The following RDX variants were observed in gnomAD, a reference collection of about 807,000 sequenced individuals.
The protein encoded by RDX is radixin, also known as deafness, autosomal recessive 24.
Under a neutral mutation model 83.7 loss-of-function variants are expected in RDX, and 32 were observed. That is an observed-to-expected ratio of 0.38 (90% CI 0.29 to 0.51). The LOEUF (loss-of-function observed/expected upper bound fraction) is 0.51, where lower values mean the gene tolerates loss of function less well. RDX is among the 20% of genes least tolerant of loss of function. The pLI is 0.87. For missense variants in RDX, 600 were observed against 689.9 expected (o/e 0.87, Z 1.46); for synonymous variants, 229 against 222.7 (o/e 1.03, Z -0.25).
chr11:110,218,474 T>C (rs1864135843), intron 14 of RDX, among the ~76,000 whole-genome samples: 2 of 152,222 alleles, frequency 1.3e-5, no homozygotes, highest in African/African-American at 4.8e-5. Flanking sequence ...TCCAAGGTCC[T>C]ATACTAAACC....
chr11:110,202,559 CAT>C (rs1440512516), intron 14 of RDX, among the ~76,000 whole-genome samples: 1 of 151,504 alleles, frequency 6.6e-6, no homozygotes, highest in African/African-American at 2.4e-5. Context: ...GCTGGGACCA[CAT>C]GTGTGCTTCA....
chr11:110,181,697 G>A (rs1034326870), intron 15 of RDX: 5 of 152,558 alleles, frequency 3.3e-5, no homozygotes, highest in African/African-American at 9.6e-5. Context: ...CAAGTACCAG[G>A]CTGTACAGTC....
chr11:110,285,761 T>G lies in RDX; in HGVS notation c.-64-6005A>C, dbSNP rs578070734. On this transcript the variant is annotated intron_variant, in intron 1 of 13. Transcript: ENST00000645495. The stretch of plus-strand genomic sequence containing the variant: ...AGACATTTCTAGTCTATAAATATAT[T>G]AGTATGTTTTTAATTGAAACTGGCA... Among the ~76,000 whole-genome samples, 6 of 149,288 alleles carry G rather than the reference T, an allele frequency of 4.0e-5. No individual in the cohort carries two copies. In the East Asian group the frequency reaches 1.2e-3, roughly 29 times the overall value.
At chr11:110,239,466 A>G (rs561126144) in intron 10 of RDX, among the ~76,000 whole-genome samples, 1 of 152,342 alleles carries the variant, frequency 6.6e-6, no homozygotes, top group South Asian at 2.1e-4. Flanking sequence ...AGAATATATA[A>G]AGAGCTCAAA....
intron 15 of RDX, among the ~76,000 whole-genome samples, chr11:110,189,021 G>A (rs780634506): frequency 2.4e-4 from 36 of 151,832 alleles, no homozygotes; most frequent in Non-Finnish European, 4.3e-4. Context: ...GAATGTCAAT[G>A]TTCTGAATGC....
intron 15 of RDX, among the ~76,000 whole-genome samples, chr11:110,186,430 G>GTT (rs61035507): frequency 6.6e-6 from 1 of 151,022 alleles, no homozygotes; most frequent in South Asian, 2.1e-4. Flanking sequence ...TTCATCACTC[G>GTT]TTTTTTTTTC....
chr11:110,232,533 T>G (rs1864680683), intron 13 of RDX, among the ~76,000 whole-genome samples: 1 of 145,414 alleles, frequency 6.9e-6, no homozygotes, highest in Admixed American at 6.9e-5. Flanking sequence ...ACTGACCTTT[T>G]GCCAATATAA....
At chr11:110,178,251 CTCT>C (rs1862816092) in intron 15 of RDX, among the ~76,000 whole-genome samples, 1 of 152,248 alleles carries the variant, frequency 6.6e-6, no homozygotes, top group Admixed American at 6.5e-5. Flanking sequence ...AGGGGGCCCT[CTCT>C]TCTAGTGCAG....
At chr11:110,208,736 C>T (rs1029165015) in intron 14 of RDX, among the ~76,000 whole-genome samples, 2 of 152,122 alleles carry the variant, frequency 1.3e-5, no homozygotes, top group Admixed American at 6.6e-5. Context: ...TCAGGCGGAT[C>T]ACTTGAGGCC....
chr11:110,209,325 CTCGGAGGGTCCTACGCCCACGG>C (rs1863730783), intron 14 of RDX, among the ~76,000 whole-genome samples: 1 of 152,082 alleles, frequency 6.6e-6, no homozygotes, highest in Non-Finnish European at 1.5e-5. Context: ...CGGCACCTGG[CTCGGAGGGTCCTACGCCCACGG>C]AGTCTCGCTG....
At chr11:110,226,980 T>G (rs1410554708), downstream of RDX, among the ~76,000 whole-genome samples, 2 of 152,276 alleles carry the variant, frequency 1.3e-5, no homozygotes, top group African/African-American at 4.8e-5. Flanking sequence ...CTCAAAACTG[T>G]TTTTATGAAA....
chr11:110,190,922 C>CA (rs1423734013), intron 15 of RDX, among the ~76,000 whole-genome samples: 3 of 152,178 alleles, frequency 2.0e-5, no homozygotes, highest in Non-Finnish European at 4.4e-5. Context: ...AGAGCAGTAT[C>CA]AAGTTCCAAA....
chr11:110,273,567 G>A lies in RDX; in HGVS notation c.13-948C>T, dbSNP rs76641866. ...GTAGCTAGGAGCACAGGCGTGTGCCGCCAGGCCTAGCTCCAAACTCTATTT... is the reference window on the plus strand; with the variant it reads ...GTAGCTAGGAGCACAGGCGTGTGCCACCAGGCCTAGCTCCAAACTCTATTT... On this transcript the variant is annotated intron_variant, in intron 2 of 13. Coordinates refer to ENST00000645495, the MANE Select transcript of RDX (RefSeq NM_002906.4). 3.6e-3 allele frequency among the ~76,000 whole-genome samples: 555 copies of A among 152,284 alleles called. 1 individual carries two copies. The highest frequency in any genetic ancestry group is 6.2e-3 in the Non-Finnish European group (421 of 68,012).
Position 110,231,845 on chromosome 11 carries a change from A to C in RDX, c.*24T>G. 6.2e-7 allele frequency: 1 copy of C among 1,611,440 alleles called. No homozygotes were observed. Among genetic ancestry groups the C allele is most frequent in the Non-Finnish European group, 8.5e-7 (1 of 1,179,694 alleles). ...TCTGTTGGTGGTTCAGCTTATGAAG[A>C]ACATATATGCAAAATAACAGCTCTC... On this transcript the variant is annotated 3_prime_UTR_variant, in exon 14 of 14. Coordinates refer to ENST00000645495, the MANE Select transcript of RDX (RefSeq NM_002906.4).
rs1029246657 is a variant in RDX at position 110,238,035 on chromosome 11, A to C, written c.1091-383T>G. On this transcript the variant is annotated intron_variant, in intron 10 of 13. Transcript: ENST00000645495. The stretch of plus-strand genomic sequence containing the variant: ...CACGTAACTATTTTATTTTTAAAAA[A>C]TAATCTCTCCATCTGAAGTTTTGAC... The C allele has an allele frequency of 6.7e-5, 14 of 208,676 alleles. No homozygotes were observed. The South Asian group carries it at 1.0e-3, about 15-fold the overall frequency. The allele number at this position is 208,676 out of a possible 1,614,324, so 12.9% of individuals were successfully genotyped here.
chr11:110,209,874 C>T (rs199755724), intron 14 of RDX, among the ~76,000 whole-genome samples: 54,897 of 145,498 alleles, frequency 0.38, 10,610 homozygotes, highest in East Asian at 0.59. Context: ...TAGATAAAAC[C>T]GCAAAGATGG....
chr11:110,179,888 T>C, intron 15 of RDX: 1 of 430,570 alleles, frequency 2.3e-6, no homozygotes, highest in Non-Finnish European at 4.5e-6. Context: ...CTTTTTCTTT[T>C]TCTTTTTCTT....
intron 15 of RDX, among the ~76,000 whole-genome samples, chr11:110,189,266 A>AAAAAAAAAAAAAAAAAAAAC (rs1244166041): frequency 6.8e-6 from 1 of 147,408 alleles, no homozygotes; most frequent in African/African-American, 2.6e-5. Flanking sequence ...AAAAAAAAAA[A>AAAAAAAAAAAAAAAAAAAAC]AAGACAAGGG....
intron 10 of RDX, among the ~76,000 whole-genome samples, chr11:110,245,267 T>A (rs1859054335): frequency 6.6e-6 from 1 of 152,104 alleles, no homozygotes; most frequent in Non-Finnish European, 1.5e-5. Flanking sequence ...TTTTGTTTTT[T>A]AAAAAATAAA....
Sources: allele counts gnomAD v4.1 joint callset (sites outside exome capture counted in the v4.1 genomes callset), GRCh38; gene constraint gnomAD v4.1.1; transcripts MANE v1.5; gene names NCBI Gene and HGNC (gene_info 2026-07-23, HGNC 2026-07-21).